Variants in HDGFL2 observed in about 807,000 individuals in gnomAD.
The protein encoded by HDGFL2 is HDGF like 2.
Under a neutral mutation model 77.1 loss-of-function variants are expected in HDGFL2, and 36 were observed. The ratio of observed to expected loss-of-function variants is 0.47; its 90% CI spans 0.36 to 0.62. The LOEUF is 0.62. Among genes scored for constraint, HDGFL2 ranks in the 20% least tolerant of loss-of-function variants. The pLI, the probability that HDGFL2 is intolerant of heterozygous loss-of-function variation, is 0.00. For synonymous variants in HDGFL2, 463 were observed against 413.1 expected, an observed-to-expected ratio of 1.12 and a Z score of -1.46; for missense variants, 976 against 973.4, an observed-to-expected ratio of 1.00 and a Z score of -0.04.
intron 13 of HDGFL2, 92 bp downstream of exon 13, chr19:4,499,007 C>G: frequency 1.2e-6 from 1 of 865,056 alleles, no homozygotes; most frequent in Non-Finnish European, 1.9e-6. Flanking sequence ...AGGTTCCTGT[C>G]GGGACAGCCC....
intron 3 of HDGFL2, among the ~76,000 whole-genome samples, chr19:4,485,550 AAC>A: frequency 6.6e-6 from 1 of 151,414 alleles, no homozygotes; most frequent in Non-Finnish European, 1.5e-5. Flanking sequence ...CATCCTGGCT[AAC>A]ACAGTGAAAC....
intron 4 of HDGFL2, 40 bp from the exon 5 acceptor site, chr19:4,491,526 G>A (rs369584719): frequency 3.2e-6 from 5 of 1,579,410 alleles, no homozygotes; most frequent in Non-Finnish European, 4.3e-6. Flanking sequence ...CAGGAGCCCG[G>A]CCTTCCCATC....
intron 9 of HDGFL2, among the ~76,000 whole-genome samples, chr19:4,494,989 G>A (rs1442831760): frequency 2.6e-5 from 4 of 152,106 alleles, no homozygotes; most frequent in Admixed American, 2.6e-4. Flanking sequence ...GGAGTTTTCG[G>A]TGCTAAGGAG....
intron 15 of HDGFL2, chr19:4,501,655 C>CT: frequency 2.1e-6 from 1 of 482,660 alleles, no homozygotes; most frequent in Middle Eastern, 5.2e-4. Context: ...CTGTGGGCTG[C>CT]TGTCTGGTAC....
chr19:4,498,737 C>T, intron 12 of HDGFL2, 77 bp from the exon 13 acceptor site: 1 of 934,848 alleles, frequency 1.1e-6, no homozygotes. Context: ...GGATGTCTTC[C>T]TCCACCCATC....
In HDGFL2 at chr19:4,501,275, C is replaced by T. The variant is rs189023720; in HGVS notation, c.1874C>T (p.Ser625Leu). 186 of 1,611,950 alleles carry T rather than the reference C, an allele frequency of 1.2e-4. No individual in the cohort carries two copies. Among genetic ancestry groups the T allele is most frequent in the East Asian group, 4.9e-4 (22 of 44,844 alleles). ...EDKEHEEGRD[S>L]EEGPRCGSSE... ...AAGGAGCACGAGGAGGGTCGGGACT[C>T]GGAGGAGGGGCCAAGGTGTGGCTCC... Residue 625 changes from serine to leucine, a missense_variant, in exon 15 of 16, where the codon TCG becomes TTG. Ser to Leu is a moderately radical substitution (Grantham distance 145). This residue lies in a region of HDGFL2 where 229 missense variants were observed against 187.3 expected (regional missense o/e 1.22). Transcript: ENST00000616600.
At chr19:4,500,809 G>A in intron 14 of HDGFL2, among the ~76,000 whole-genome samples, 1 of 152,142 alleles carries the variant, frequency 6.6e-6, no homozygotes, top group Non-Finnish European at 1.5e-5. Context: ...TTGCTGGCAT[G>A]TTACTCAGGC....
chr19:4,479,752 A>T lies in HDGFL2; in HGVS notation c.288+4169A>T, dbSNP rs560981308. 1.1e-4 allele frequency among the ~76,000 whole-genome samples: 16 copies of T among 151,066 alleles called. 1 individual carries two copies. In the South Asian group the frequency reaches 2.9e-3, roughly 28 times the overall value. ...TGAAACCCTGCCTCTACAAAAATAT[A>T]AAAATTACCCAGATGTGGTGGTGGG... On this transcript the variant is annotated intron_variant, in intron 3 of 15. Coordinates refer to ENST00000616600, the MANE Select transcript of HDGFL2 (RefSeq NM_001001520.3).
chr19:4,498,215 A>C (rs2288927), intron 11 of HDGFL2, 91 bp from the exon 12 acceptor site: 166,015 of 1,314,028 alleles, frequency 0.13, 11,361 homozygotes, highest in South Asian at 0.2. Context: ...CCCATGACAA[A>C]TCCTCCAGAG....
intron 3 of HDGFL2, among the ~76,000 whole-genome samples, chr19:4,487,109 C>T (rs548377499): frequency 8.6e-5 from 13 of 152,006 alleles, no homozygotes; most frequent in East Asian, 5.8e-4. Flanking sequence ...GGATTACAGG[C>T]GCCCGCCACC....
At chr19:4,489,500 T>G (rs1975452692) in intron 4 of HDGFL2, among the ~76,000 whole-genome samples, 1 of 151,788 alleles carries the variant, frequency 6.6e-6, no homozygotes, top group South Asian at 2.1e-4. Flanking sequence ...ACCTCCTGGG[T>G]TCAAGTGATT....
intron 6 of HDGFL2, among the ~76,000 whole-genome samples, chr19:4,493,250 TTGTC>T (rs1353932990): frequency 7.0e-6 from 1 of 143,528 alleles, no homozygotes; most frequent in East Asian, 2.1e-4. Context: ...GGTATGTGTG[TTGTC>T]TGTGTGTGTG....
chr19:4,479,443 C>T (rs1323934779), intron 3 of HDGFL2, among the ~76,000 whole-genome samples: 1 of 151,704 alleles, frequency 6.6e-6, no homozygotes, highest in Non-Finnish European at 1.5e-5. Context: ...AGAAAGTTAG[C>T]CGGGCGTGGC....
At chr19:4,476,285 C>T (rs527274005) in intron 3 of HDGFL2, among the ~76,000 whole-genome samples, 23 of 147,384 alleles carry the variant, frequency 1.6e-4, no homozygotes, top group South Asian at 8.7e-4. Flanking sequence ...CCTCTGCCTC[C>T]GGGTCCAACT....
intron 3 of HDGFL2, among the ~76,000 whole-genome samples, chr19:4,483,322 C>G (rs904138763): frequency 2.0e-5 from 3 of 152,114 alleles, no homozygotes; most frequent in African/African-American, 7.2e-5. Context: ...GGCTGGTGTG[C>G]GCCTGCTGTG....
chr19:4,481,622 G>A lies in HDGFL2; in HGVS notation c.288+6039G>A, dbSNP rs8109239. Among the ~76,000 whole-genome samples, 1,133 of 151,904 alleles carry A rather than the reference G, an allele frequency of 7.5e-3. 17 individuals are homozygous for A. The highest frequency in any genetic ancestry group is 0.026 in the African/African-American group (1,064 of 41,414). On this transcript the variant is annotated intron_variant, in intron 3 of 15. Coordinates refer to ENST00000616600, the MANE Select transcript of HDGFL2 (RefSeq NM_001001520.3). ...ATTACAGGCTTGAGCCACCGCGCCCGGCCAATTTTTGTATTTTTTAGTAGA... is the reference window on the plus strand; with the variant it reads ...ATTACAGGCTTGAGCCACCGCGCCCAGCCAATTTTTGTATTTTTTAGTAGA...
chr19:4,493,812 C>T lies in HDGFL2; in HGVS notation c.788C>T (p.Ser263Phe), dbSNP rs770893579. 1.4e-5 allele frequency: 21 copies of T among 1,538,652 alleles called. No individual in the cohort carries two copies. The African/African-American group carries it at 2.2e-4, about 16-fold the overall frequency. The change falls in exon 7 of 16, where the codon TCC becomes TTC. Residue 263 changes from serine (S) to phenylalanine (F), a missense_variant. Ser to Phe is a radical substitution (Grantham distance 155, BLOSUM62 -2). Coordinates refer to ENST00000616600, the MANE Select transcript of HDGFL2 (RefSeq NM_001001520.3). ...TCCTCCTCCTCCTCTTCCTCCTCCT[C>T]CTCCGACTCCGATGTGTCTGTGAAG... Reference protein sequence around the residue: ...SASSSSSSSSSSDSDVSVKKP... With the variant: ...SASSSSSSSSFSDSDVSVKKP...
At chr19:4,499,219 G>A (rs539443450) in intron 13 of HDGFL2, among the ~76,000 whole-genome samples, 12 of 152,270 alleles carry the variant, frequency 7.9e-5, no homozygotes, top group Admixed American at 2.0e-4. Flanking sequence ...GGTGGCGCAC[G>A]CCTGTAATCC....
Position 4,493,822 on chromosome 19 carries a change from C to T in HDGFL2, c.798C>T (p.Ser266=), listed in dbSNP as rs1215967875. ...CCTCTTCCTCCTCCTCCTCCGACTC[C>T]GATGTGTCTGTGAAGAAGCCTCCGA... ...SSSSSSSSSD[S]DVSVKKPPRG... The change falls in exon 7 of 16, where the codon TCC becomes TCT. Residue 266 remains serine, a synonymous_variant. Transcript: ENST00000616600. 5.2e-6 allele frequency: 8 copies of T among 1,533,324 alleles called. No individual in the cohort carries two copies. The highest frequency in any genetic ancestry group is 4.1e-5 in the African/African-American group (3 of 72,436). The allele number at this position is 1,533,324 out of a possible 1,614,324, so 95.0% of individuals were successfully genotyped here.
Sources: allele counts gnomAD v4.1 joint callset (sites outside exome capture counted in the v4.1 genomes callset), GRCh38; gene constraint gnomAD v4.1.1; regional missense constraint gnomAD v4.1.1; transcripts MANE v1.5; gene names NCBI Gene and HGNC (gene_info 2026-07-23, HGNC 2026-07-21).